The following NBEA variants were observed in gnomAD, a reference collection of about 807,000 sequenced individuals.
NBEA encodes lysosomal-trafficking regulator 2.
NBEA carries 44 observed loss-of-function variants against 343.4 expected under a neutral mutation model. The observed-to-expected ratio is 0.13, with a 90% CI of 0.10 to 0.16. The LOEUF (loss-of-function observed/expected upper bound fraction) is 0.16. Ranked by LOEUF, NBEA falls within the 10% of genes least tolerant of loss-of-function variation. The pLI is 1.00. For synonymous variants in NBEA, 1,175 were observed against 1,238.7 expected (o/e 0.95, Z 1.08); for missense variants, 2,555 against 3,631.3 (o/e 0.70, Z 7.62).
rs768798507 is a variant in NBEA, at chr13:35,123,520, T to C, written c.2282T>C (p.Ile761Thr). 4 of 1,542,282 alleles carry C rather than the reference T, an allele frequency of 2.6e-6. No homozygotes were observed. Among genetic ancestry groups the C allele is most frequent in the East Asian group, 2.3e-5 (1 of 43,232 alleles). ...TTATTGGCTTCTAAAAGTGAAAGTA[T>C]TTGGGTTCAAGCTTTGAAGGTTCTG... is the stretch of plus-strand genomic sequence containing the variant. ...YKLLASKSES[I>T]WVQALKVLGY... The change falls in exon 17 of 59, where the codon ATT (isoleucine) becomes ACT (threonine). Residue 761 changes from isoleucine to threonine, a missense_variant. Physicochemically the swap from Ile to Thr is moderately conservative, Grantham distance 89. Transcript: ENST00000379939.
chr13:35,274,001 C>T (rs2034387454), intron 34 of NBEA, among the ~76,000 whole-genome samples: 1 of 152,160 alleles, frequency 6.6e-6, no homozygotes, highest in Non-Finnish European at 1.5e-5. Context: ...GGGAATCCTC[C>T]TTAACTCATT....
intron 1 of NBEA, among the ~76,000 whole-genome samples, chr13:35,029,406 C>A (rs2062126528): frequency 1.3e-5 from 2 of 151,312 alleles, no homozygotes; most frequent in African/African-American, 2.4e-5. Flanking sequence ...GAGAGGGAAC[C>A]CTGTATCATG....
intron 39 of NBEA, among the ~76,000 whole-genome samples, chr13:35,443,652 A>G (rs920008107): frequency 1.1e-4 from 16 of 152,010 alleles, no homozygotes; most frequent in African/African-American, 3.9e-4. Context: ...TAGAAAGTCT[A>G]TTTCATGTGT....
intron 38 of NBEA, among the ~76,000 whole-genome samples, chr13:35,400,196 TAA>T (rs71081251): frequency 0.044 from 3,418 of 78,042 alleles, 117 homozygotes; most frequent in South Asian, 0.059. Context: ...CTTCAATTTG[TAA>T]AAAAAAAAAA....
chr13:35,333,468 T>G (rs558658702), intron 36 of NBEA, among the ~76,000 whole-genome samples: 1 of 152,246 alleles, frequency 6.6e-6, no homozygotes, highest in South Asian at 2.1e-4. Context: ...GATACAAGTG[T>G]GCAATGCATA....
chr13:35,186,028 G>C (rs2071678086), intron 30 of NBEA: 2 of 152,148 alleles, frequency 1.3e-5, no homozygotes, highest in African/African-American at 4.8e-5. Context: ...TATCGGCCCA[G>C]CTCGGTGGTG....
At chr13:35,426,982 A>G (rs9600746) in intron 38 of NBEA, among the ~76,000 whole-genome samples, 65,105 of 152,074 alleles carry the variant, frequency 0.43, 16,747 homozygotes, top group Middle Eastern at 0.6. Context: ...TTTCAGCTCC[A>G]TCAGGTCCTT....
intron 41 of NBEA, among the ~76,000 whole-genome samples, chr13:35,525,904 C>T (rs932317820): frequency 1.3e-5 from 2 of 152,028 alleles, no homozygotes; most frequent in African/African-American, 2.4e-5. Flanking sequence ...AATTCCTTCC[C>T]AAAGGCCCCA....
chr13:35,119,885 A>G (rs993321780), intron 16 of NBEA, among the ~76,000 whole-genome samples: 1 of 152,148 alleles, frequency 6.6e-6, no homozygotes, highest in Non-Finnish European at 1.5e-5. Flanking sequence ...CACCGTGCCC[A>G]GCCTATAATT....
At position 35,182,817 on chromosome 13, in the gene NBEA, T is replaced by C. The variant is rs1258526313; in HGVS notation, c.4831+289T>C. On this transcript the variant is annotated intron_variant, in intron 29 of 58. Transcript: ENST00000379939. ...CTATTTAATATGCAAGTAACTCATA[T>C]ATTGTTAAATATATTACTTTTTTAA... Among the ~76,000 whole-genome samples the C allele has an allele frequency of 2.0e-5, 3 of 151,980 alleles. No homozygotes were observed. The East Asian group carries it at 5.8e-4, about 29-fold the overall frequency.
intron 39 of NBEA, among the ~76,000 whole-genome samples, chr13:35,446,587 G>A (rs962607865): frequency 6.6e-6 from 1 of 152,048 alleles, no homozygotes; most frequent in Non-Finnish European, 1.5e-5. Context: ...ACATAGGTCG[G>A]ACTTAAAGAT....
intron 11 of NBEA, among the ~76,000 whole-genome samples, chr13:35,103,001 A>G (rs1476659981): frequency 1.3e-5 from 2 of 151,808 alleles, no homozygotes; most frequent in Admixed American, 6.6e-5. Flanking sequence ...GATATTTTTA[A>G]TAGATTACTT....
intron 41 of NBEA, among the ~76,000 whole-genome samples, chr13:35,493,912 T>G (rs2076584533): frequency 6.6e-6 from 1 of 151,886 alleles, no homozygotes; most frequent in African/African-American, 2.4e-5. Flanking sequence ...TATTTAAATA[T>G]ATCTGTGAAT....
chr13:34,977,958 CCTGA>C (rs1301591155), intron 1 of NBEA, among the ~76,000 whole-genome samples: 6 of 152,040 alleles, frequency 3.9e-5, no homozygotes, highest in African/African-American at 4.8e-5. Flanking sequence ...TCCCATTATG[CCTGA>C]CTAATTGATT....
At chr13:34,985,613 G>A (rs1013042947) in intron 1 of NBEA, among the ~76,000 whole-genome samples, 3 of 150,966 alleles carry the variant, frequency 2.0e-5, no homozygotes, top group Admixed American at 6.6e-5. Context: ...CAGAAGGAGT[G>A]CTACCAGCTC....
intron 34 of NBEA, among the ~76,000 whole-genome samples, chr13:35,244,024 C>G (rs1231190268): frequency 6.6e-6 from 1 of 151,702 alleles, no homozygotes; most frequent in East Asian, 1.9e-4. Flanking sequence ...TACATTAAGA[C>G]CATATGTTAG....
intron 1 of NBEA, among the ~76,000 whole-genome samples, chr13:34,993,033 G>T (rs2060817621): frequency 6.6e-6 from 1 of 151,962 alleles, no homozygotes; most frequent in Admixed American, 6.6e-5. Context: ...GATCTCCAAT[G>T]AGTCTCATCT....
At chr13:35,454,841 C>G (rs1242092611) in intron 40 of NBEA, among the ~76,000 whole-genome samples, 2 of 151,846 alleles carry the variant, frequency 1.3e-5, no homozygotes, top group African/African-American at 4.8e-5. Flanking sequence ...GCCTGGGCGA[C>G]AGAATGAGAC....
At chr13:34,961,679 G>A (rs2059667373) in intron 1 of NBEA, among the ~76,000 whole-genome samples, 2 of 152,034 alleles carry the variant, frequency 1.3e-5, no homozygotes, top group Non-Finnish European at 2.9e-5. Flanking sequence ...TGTAGAGGGT[G>A]ACAAATATGG....
Sources: gnomAD v4.1 joint callset for allele counts (sites outside exome capture counted in the v4.1 genomes callset) on GRCh38, gnomAD v4.1.1 for gene constraint, MANE v1.5 for transcripts, NCBI Gene and HGNC (gene_info 2026-07-23, HGNC 2026-07-21) for gene names.